Variants in VIT observed in about 807,000 individuals in gnomAD.
VIT encodes the protein vitrin.
Under a neutral mutation model 78.0 loss-of-function variants are expected in VIT, and 99 were observed. The ratio of observed to expected loss-of-function variants is 1.27; its 90% confidence interval spans 1.08 to 1.50. The LOEUF (loss-of-function observed/expected upper bound fraction) is 1.50. Ranked by LOEUF, VIT falls within the 40% of genes most tolerant of loss-of-function variation. VIT has a pLI of 0.00. For synonymous variants in VIT, 374 were observed against 334.3 expected (o/e 1.12, Z -1.29); for missense variants, 1,126 against 875.3 (o/e 1.29, Z -3.61).
chr2:36,776,243 C>T lies in VIT; in HGVS notation c.802+1176C>T, dbSNP rs76436664. ...TTCTCAAAGTGTGGTCCAAAGACCCCGCTTTCAGAGATTCTGTGACATCTT... is the reference window on the plus strand; with the variant it reads ...TTCTCAAAGTGTGGTCCAAAGACCCTGCTTTCAGAGATTCTGTGACATCTT... On this transcript the variant is annotated intron_variant, in intron 9 of 15. Transcript: ENST00000379242. Among the ~76,000 whole-genome samples the T allele has an allele frequency of 8.0e-3, 1,217 of 152,242 alleles. 23 individuals carry two copies. The highest frequency in any genetic ancestry group is 0.028 in the African/African-American group (1,155 of 41,554).
intron 12 of VIT, among the ~76,000 whole-genome samples, chr2:36,791,174 C>T (rs188720685): frequency 6.6e-6 from 1 of 152,308 alleles, no homozygotes; most frequent in Admixed American, 6.5e-5. Context: ...TTTCCTTGCT[C>T]ATGAGTCTAT....
intron 9 of VIT, among the ~76,000 whole-genome samples, chr2:36,780,966 A>G (rs564527137): frequency 2.0e-5 from 3 of 152,260 alleles, no homozygotes; most frequent in Admixed American, 1.3e-4. Context: ...TCCAAAAAAG[A>G]TCAGAGATTA....
chr2:36,774,511 C>T lies in VIT; in HGVS notation c.737-491C>T, dbSNP rs560940434. 5.1e-6 allele frequency: 5 copies of T among 985,418 alleles called. No individual in the cohort carries two copies. The South Asian group carries it at 1.9e-4, about 37-fold the overall frequency. The allele number at this position is 985,418 out of a possible 1,614,324, so 61.0% of individuals were successfully genotyped here. Reference sequence around the variant, plus strand: ...TACCATTCCCTCTGAAGCCACAGGACACTAGGATCAGAAGCAGGTCTTCTC... The same window carrying T: ...TACCATTCCCTCTGAAGCCACAGGATACTAGGATCAGAAGCAGGTCTTCTC... On this transcript the variant is annotated intron_variant, in intron 8 of 15. Transcript: ENST00000379242.
At chr2:36,814,112 C>G in intron 15 of VIT, 71 bp from the exon 16 acceptor site, 1 of 1,557,904 alleles carries the variant, frequency 6.4e-7, no homozygotes, top group South Asian at 1.2e-5. Context: ...AACAGGGCCA[C>G]AAGAAGAGAG....
chr2:36,787,467 T>G (rs1665183836), intron 12 of VIT, among the ~76,000 whole-genome samples, 191 bp downstream of exon 12: 1 of 152,230 alleles, frequency 6.6e-6, no homozygotes, highest in Admixed American at 6.5e-5. Context: ...TGAGACTTCC[T>G]GAAGGAAGGG....
intron 1 of VIT, among the ~76,000 whole-genome samples, chr2:36,701,156 T>G (rs1448736753): frequency 6.6e-6 from 1 of 151,332 alleles, no homozygotes; most frequent in African/African-American, 2.4e-5. Context: ...GTAATAACAG[T>G]GGAGAGGCGT....
At position 36,808,976 on chromosome 2, in the gene VIT, C is replaced by CAG. The variant is rs765169696; in HGVS notation, c.1895_1896insGA (p.His632GlnfsTer3). ...CGTCCGGATCCCAGCCATGGCTGCC[C>CAG]ATCTGAAGGGTAAGCTGGGCTTGCC... On this transcript the variant is annotated frameshift_variant, in exon 15 of 16. Coordinates refer to ENST00000379242, the MANE Select transcript of VIT (RefSeq NM_053276.4). LOFTEE classifies it high-confidence loss of function. The CAG allele has an allele frequency of 1.8e-5, 29 of 1,583,606 alleles. No homozygotes were observed. Among genetic ancestry groups the CAG allele is most frequent in the Non-Finnish European group, 2.2e-5 (26 of 1,161,614 alleles).
chr2:36,747,431 C>A (rs1340699858), intron 4 of VIT, among the ~76,000 whole-genome samples: 1 of 152,142 alleles, frequency 6.6e-6, no homozygotes, highest in Non-Finnish European at 1.5e-5. Flanking sequence ...GCTGTCTAAG[C>A]CTTTCCATGG....
In VIT at chr2:36,808,942, C is replaced by A. The variant is rs1666949700; in HGVS notation, c.1860C>A (p.Ser620=). 1 of 1,608,792 alleles carries A rather than the reference C, an allele frequency of 6.2e-7. No individual in the cohort carries two copies. Among genetic ancestry groups the A allele is most frequent in the Non-Finnish European group, 8.5e-7 (1 of 1,176,404 alleles). ...KLMILITDGR[S]YDDVRIPAMA... ...TGATCCTCATCACCGACGGGAGGTC[C>A]TACGACGACGTCCGGATCCCAGCCA... Residue 620 remains serine (S), a synonymous_variant, in exon 15 of 16, where the codon TCC becomes TCA. Coordinates refer to ENST00000379242, the MANE Select transcript of VIT (RefSeq NM_053276.4).
rs1342390516 is a variant in VIT, at chr2:36,735,305, T to C, written c.118+5814T>C. Among the ~76,000 whole-genome samples, 4 of 152,354 alleles carry C rather than the reference T, an allele frequency of 2.6e-5. No homozygotes were observed. In the South Asian group the frequency reaches 6.2e-4, roughly 24 times the overall value. On this transcript the variant is annotated intron_variant, in intron 3 of 15. Transcript: ENST00000379242. The stretch of plus-strand genomic sequence containing the variant: ...ACCCATAGGCCCATTCATTCCAAGC[T>C]AATATTTTGCTTTTATGTGCTCAGT...
At chr2:36,701,628 A>G (rs1386362882) in intron 1 of VIT, among the ~76,000 whole-genome samples, 2 of 151,554 alleles carry the variant, frequency 1.3e-5, no homozygotes, top group African/African-American at 4.8e-5. Flanking sequence ...AAAAGAAAAA[A>G]ATATACCTAT....
Position 36,812,841 on chromosome 2 carries a change from T to C in VIT, c.1904-1342T>C, listed in dbSNP as rs184131962. 2.6e-3 allele frequency among the ~76,000 whole-genome samples: 386 copies of C among 148,370 alleles called. 17 individuals carry two copies. The highest frequency in any genetic ancestry group is 0.024 in the Admixed American group (346 of 14,220). On this transcript the variant is annotated intron_variant, in intron 15 of 15. Coordinates refer to ENST00000379242, the MANE Select transcript of VIT (RefSeq NM_053276.4). Reference sequence around the variant, plus strand: ...TGTTCTCACCAAACTACCAGTGTCTTGGTTTTGTTTTTTCTTCTTCTTTTT... The same window carrying C: ...TGTTCTCACCAAACTACCAGTGTCTCGGTTTTGTTTTTTCTTCTTCTTTTT...
intron 2 of VIT, among the ~76,000 whole-genome samples, chr2:36,727,350 G>T (rs1345893186): frequency 1.3e-5 from 2 of 152,146 alleles, no homozygotes; most frequent in African/African-American, 4.8e-5. Flanking sequence ...GCACATAGAT[G>T]CACACACATG....
At chr2:36,775,511 T>A (rs1490039341) in intron 9 of VIT, among the ~76,000 whole-genome samples, 1 of 152,252 alleles carries the variant, frequency 6.6e-6, no homozygotes, top group Non-Finnish European at 1.5e-5. Context: ...ATTTTGGGTT[T>A]GTTTCAATGC....
At chr2:36,811,306 T>C (rs1667148670) in intron 15 of VIT, among the ~76,000 whole-genome samples, 1 of 152,220 alleles carries the variant, frequency 6.6e-6, no homozygotes, top group African/African-American at 2.4e-5. Flanking sequence ...TCTCCAAACA[T>C]CTGTCCCCAG....
At chr2:36,717,906 C>T (rs190656442) in intron 2 of VIT, among the ~76,000 whole-genome samples, 9 of 152,310 alleles carry the variant, frequency 5.9e-5, no homozygotes, top group African/African-American at 2.2e-4. Context: ...TTTCAGAGGG[C>T]TGCAAGGGAG....
Position 36,751,958 on chromosome 2 carries a change from G to C in VIT, c.276-2963G>C, listed in dbSNP as rs1668489880. 2.0e-5 allele frequency among the ~76,000 whole-genome samples: 3 copies of C among 152,266 alleles called. No homozygotes were observed. In the South Asian group the frequency reaches 6.2e-4, roughly 32 times the overall value. ...TTCAGAAGGCAGGATTTAAGATGTA[G>C]AGAACATGAGCAGAAAGTATATTGG... is the stretch of plus-strand genomic sequence containing the variant. On this transcript the variant is annotated intron_variant, in intron 4 of 15. Coordinates refer to ENST00000379242, the MANE Select transcript of VIT (RefSeq NM_053276.4).
chr2:36,781,913 G>T (rs946200904), intron 10 of VIT, 142 bp downstream of exon 10: 3 of 1,040,950 alleles, frequency 2.9e-6, no homozygotes, highest in South Asian at 3.1e-5. Flanking sequence ...CTGATTTAAG[G>T]GTCCTACAAA....
At chr2:36,759,297 G>C (rs1234945489) in intron 6 of VIT, 1 of 1,451,904 alleles carries the variant, frequency 6.9e-7, no homozygotes. Context: ...TTTTCATTCA[G>C]ATTGACTGTT....
Sources: gnomAD v4.1 joint callset for allele counts (sites outside exome capture counted in the v4.1 genomes callset) on GRCh38, gnomAD v4.1.1 for gene constraint, MANE v1.5 for transcripts, NCBI Gene and HGNC (gene_info 2026-07-23, HGNC 2026-07-21) for gene names.